The following COL27A1 variants were observed in gnomAD, a reference collection of about 807,000 sequenced individuals.
COL27A1 encodes collagen type XXVII alpha 1 chain.
A neutral mutation model predicts 251.3 loss-of-function variants in COL27A1; 106 were observed. That is an observed-to-expected ratio of 0.42 (90% CI 0.36 to 0.50). The LOEUF is 0.50. COL27A1 is among the 20% of genes least tolerant of loss of function. The probability of loss-of-function intolerance (pLI) is 0.00; values close to 1 mark genes in which losing one functional copy is unlikely to be tolerated. For missense variants in COL27A1, 2,325 were observed against 2,522.8 expected (o/e 0.92, Z 1.68); for synonymous variants, 1,000 against 986.3 (o/e 1.01, Z -0.26).
In COL27A1 at chr9:114,283,515, TG is replaced by T. The variant is rs1239050169; in HGVS notation, c.3880-190del. Among the ~76,000 whole-genome samples, 3 of 147,122 alleles carry T rather than the reference TG, an allele frequency of 2.0e-5. No homozygotes were observed. The East Asian group carries it at 6.5e-4, about 32-fold the overall frequency. ...CCCCTGGAGCCAGGAGAAGGAGGGC[TG>T]GGGCAGGGGTGGGGAACTCCAGGGA... On this transcript the variant is annotated intron_variant, in intron 39 of 60. Coordinates refer to ENST00000356083, the MANE Select transcript of COL27A1 (RefSeq NM_032888.4).
intron 5 of COL27A1, among the ~76,000 whole-genome samples, chr9:114,185,682 C>T (rs937566850): frequency 6.6e-6 from 1 of 152,244 alleles, no homozygotes; most frequent in Admixed American, 6.5e-5. Flanking sequence ...TATGCTGTCC[C>T]GTCCTCTTCC....
chr9:114,198,707 G>C (rs776436371), intron 7 of COL27A1, among the ~76,000 whole-genome samples: 1 of 152,180 alleles, frequency 6.6e-6, no homozygotes, highest in South Asian at 2.1e-4. Context: ...CTGCCTGCCC[G>C]AGAAGGTTTG....
chr9:114,283,823 C>A, intron 40 of COL27A1, 61 bp downstream of exon 40: 1 of 1,545,454 alleles, frequency 6.5e-7, no homozygotes, highest in East Asian at 2.2e-5. Context: ...GAAACACAGG[C>A]CCATGCCAGC....
rs897084454 is a variant in COL27A1, at chr9:114,252,033, G to A, written c.3034-560G>A. The stretch of plus-strand genomic sequence containing the variant: ...GTGGATACAAGAAACAGAGCCTCAC[G>A]AAAACAGAGCCAAGATTCGAACCCA... On this transcript the variant is annotated intron_variant, in intron 25 of 60. Coordinates refer to ENST00000356083, the MANE Select transcript of COL27A1 (RefSeq NM_032888.4). Among the ~76,000 whole-genome samples the A allele has an allele frequency of 5.3e-5, 8 of 152,330 alleles. 1 individual carries two copies. Among genetic ancestry groups the A allele is most frequent in the Admixed American group, 3.9e-4 (6 of 15,298 alleles).
At chr9:114,237,785 C>T in intron 19 of COL27A1, 70 bp downstream of exon 19, 3 of 1,312,454 alleles carry the variant, frequency 2.3e-6, no homozygotes, top group Non-Finnish European at 3.3e-6. Flanking sequence ...GAAACTGAGG[C>T]CCAGGGATGG....
intron 4 of COL27A1, among the ~76,000 whole-genome samples, chr9:114,179,119 T>G (rs1286248479): frequency 6.6e-6 from 1 of 152,216 alleles, no homozygotes; most frequent in Non-Finnish European, 1.5e-5. Context: ...CCAGGCTGAA[T>G]CAGCCTTTCC....
rs181902543 is a variant in COL27A1 at position 114,189,201 on chromosome 9, T to C, written c.2017-5203T>C. ...TGTAATTTCATAAAATCATTTGTAC[T>C]CTTAAAAAATTAAAACCATCTGGAA... On this transcript the variant is annotated intron_variant, in intron 5 of 60. Coordinates refer to ENST00000356083, the MANE Select transcript of COL27A1 (RefSeq NM_032888.4). Among the ~76,000 whole-genome samples the C allele has an allele frequency of 9.8e-5, 15 of 152,334 alleles. No individual in the cohort carries two copies. In the East Asian group the frequency reaches 2.5e-3, roughly 25 times the overall value.
intron 25 of COL27A1, among the ~76,000 whole-genome samples, chr9:114,252,351 C>T (rs147775657): frequency 3.5e-4 from 53 of 152,308 alleles, no homozygotes; most frequent in African/African-American, 1.2e-3. Flanking sequence ...AAATTCACTG[C>T]GTGGCCCACT....
intron 34 of COL27A1, 26 bp downstream of exon 34, chr9:114,267,583 A>G (rs1273435901): frequency 1.3e-5 from 21 of 1,593,004 alleles, no homozygotes; most frequent in Non-Finnish European, 1.7e-5. Context: ...AGAAGAGAAA[A>G]ATGACTTGTT....
intron 5 of COL27A1, 67 bp from the exon 6 acceptor site, chr9:114,194,337 G>A (rs1828958276): frequency 1.3e-6 from 2 of 1,498,492 alleles, no homozygotes; most frequent in Middle Eastern, 1.7e-4. Context: ...TTTGAGCAGA[G>A]TTTGTGGGGA....
At chr9:114,182,299 C>T (rs551709699) in intron 4 of COL27A1, among the ~76,000 whole-genome samples, 5 of 151,472 alleles carry the variant, frequency 3.3e-5, no homozygotes, top group East Asian at 3.9e-4. Context: ...TCTCTTGAGC[C>T]GAGGAGTTTG....
At chr9:114,261,649 C>T (rs763450317) in intron 28 of COL27A1, among the ~76,000 whole-genome samples, 2 of 152,230 alleles carry the variant, frequency 1.3e-5, no homozygotes, top group African/African-American at 2.4e-5. Context: ...TCTTCTCCAA[C>T]ACCAGGCCCC....
At chr9:114,214,680 A>G (rs1830598667) in intron 12 of COL27A1, among the ~76,000 whole-genome samples, 1 of 152,260 alleles carries the variant, frequency 6.6e-6, no homozygotes. Flanking sequence ...TTTCCAGGGC[A>G]AGGTACTCTC....
intron 24 of COL27A1, among the ~76,000 whole-genome samples, chr9:114,249,505 T>C (rs1300285803): frequency 2.0e-5 from 3 of 152,204 alleles, no homozygotes; most frequent in Non-Finnish European, 4.4e-5. Context: ...GCGTGGTCTT[T>C]GGAGCCACAC....
intron 19 of COL27A1, 111 bp from the exon 20 acceptor site, chr9:114,240,109 C>G: frequency 1.0e-6 from 1 of 956,378 alleles, no homozygotes; most frequent in Non-Finnish European, 1.7e-6. Flanking sequence ...TGCCTGGGGT[C>G]CCATCCCAGC....
At chr9:114,164,247 T>C (rs953210139) in intron 2 of COL27A1, among the ~76,000 whole-genome samples, 1 of 152,262 alleles carries the variant, frequency 6.6e-6, no homozygotes, top group Non-Finnish European at 1.5e-5. Context: ...GTAAAGTATT[T>C]GGTATCTAGT....
At chr9:114,306,082 G>A (rs113681324) in intron 57 of COL27A1, 66 of 159,166 alleles carry the variant, frequency 4.1e-4, no homozygotes, top group African/African-American at 1.3e-3. Flanking sequence ...CCCCAGTCCC[G>A]TCTCCTGGTG....
At chr9:114,297,793 T>C (rs1828356085) in intron 49 of COL27A1, among the ~76,000 whole-genome samples, 1 of 152,244 alleles carries the variant, frequency 6.6e-6, no homozygotes, top group South Asian at 2.1e-4. Context: ...TTACCACTTC[T>C]ATTCAATATT....
Position 114,169,101 on chromosome 9 carries a change from A to T in COL27A1, c.1546A>T (p.Thr516Ser). The change falls in exon 3 of 61, where the codon ACT (threonine) becomes TCT (serine). Residue 516 changes from threonine (T) to serine (S), a missense_variant. By Grantham distance (58) the Thr-to-Ser change is moderately conservative. This residue lies in a region of COL27A1 where 1,183 missense variants were observed against 1,144.1 expected (regional missense o/e 1.03). Coordinates refer to ENST00000356083, the MANE Select transcript of COL27A1 (RefSeq NM_032888.4). ...GGTACCTCCAACTTCGGGCACCAGC[A>T]CTCCCAGAACAGCACCTGCCGTCCC... is the stretch of plus-strand genomic sequence containing the variant. ...TMVPPTSGTS[T>S]PRTAPAVPTP... 6.2e-7 allele frequency: 1 copy of T among 1,613,836 alleles called. No homozygotes were observed. The highest frequency in any genetic ancestry group is 8.5e-7 in the Non-Finnish European group (1 of 1,179,942).
Sources: gnomAD v4.1 joint callset for allele counts (sites outside exome capture counted in the v4.1 genomes callset) on GRCh38, gnomAD v4.1.1 for gene constraint, gnomAD v4.1.1 regional missense constraint, MANE v1.5 for transcripts, NCBI Gene and HGNC (gene_info 2026-07-23, HGNC 2026-07-21) for gene names.